SYNPO2: variants seen among roughly 807,000 people sequenced by gnomAD.
SYNPO2 encodes synaptopodin 2.
In SYNPO2, 56 loss-of-function variants were observed where a neutral mutation model predicts 85.0. The ratio of observed to expected loss-of-function variants is 0.66; its 90% CI spans 0.53 to 0.82. SYNPO2 has a LOEUF of 0.82. Among genes scored for constraint, SYNPO2 ranks in the 40% least tolerant of loss-of-function variants. The probability of loss-of-function intolerance (pLI) is 0.00; values close to 1 mark genes in which losing one functional copy is unlikely to be tolerated. For synonymous variants in SYNPO2, 602 were observed against 591.1 expected, an observed-to-expected ratio of 1.02 and a Z score of -0.27; for missense variants, 1,575 against 1,534.2, an observed-to-expected ratio of 1.03 and a Z score of -0.44.
chr4:118,951,175 T>C (rs928598626), intron 1 of SYNPO2, among the ~76,000 whole-genome samples: 5 of 152,204 alleles, frequency 3.3e-5, no homozygotes, highest in African/African-American at 1.2e-4. Context: ...TCTTAGTTTG[T>C]CTGTGCTGCT....
chr4:118,969,414 G>GCAC (rs1560924469), intron 1 of SYNPO2, among the ~76,000 whole-genome samples: 2 of 49,218 alleles, frequency 4.1e-5, no homozygotes, highest in Non-Finnish European at 1.0e-4. Context: ...TTGTAAAAAA[G>GCAC]TACGTTTCTC....
chr4:118,966,493 T>G (rs914540614), intron 1 of SYNPO2, among the ~76,000 whole-genome samples: 5 of 152,178 alleles, frequency 3.3e-5, no homozygotes, highest in Middle Eastern at 3.2e-3. Flanking sequence ...TTCTTCTATA[T>G]AATCTTGCCT....
At chr4:119,005,107 A>G (rs560033530) in intron 1 of SYNPO2, among the ~76,000 whole-genome samples, 1 of 151,940 alleles carries the variant, frequency 6.6e-6, no homozygotes, top group Non-Finnish European at 1.5e-5. Context: ...GTTTGAGTTC[A>G]TTGTAGATTC....
intron 1 of SYNPO2, among the ~76,000 whole-genome samples, chr4:118,957,748 A>G (rs1207999301): frequency 6.6e-6 from 1 of 152,162 alleles, no homozygotes; most frequent in African/African-American, 2.4e-5. Flanking sequence ...CATCTCCACT[A>G]ATACATGTTA....
At chr4:119,055,844 C>T (rs1739189765) in intron 4 of SYNPO2, among the ~76,000 whole-genome samples, 1 of 151,894 alleles carries the variant, frequency 6.6e-6, no homozygotes, top group African/African-American at 2.4e-5. Context: ...TATTGGACCC[C>T]TTATTCTTCA....
At chr4:118,898,487 A>G (rs756588536) in intron 1 of SYNPO2, among the ~76,000 whole-genome samples, 2 of 152,202 alleles carry the variant, frequency 1.3e-5, no homozygotes, top group African/African-American at 4.8e-5. Context: ...CATCACTGTC[A>G]TCGAGATAAC....
At chr4:118,858,219 T>C (rs1283167261) in intron 1 of SYNPO2, among the ~76,000 whole-genome samples, 1 of 152,008 alleles carries the variant, frequency 6.6e-6, no homozygotes, top group Non-Finnish European at 1.5e-5. Context: ...ACAGGGAAGA[T>C]AGGGTCTCTC....
chr4:119,004,207 A>C (rs890129347), intron 1 of SYNPO2, among the ~76,000 whole-genome samples: 1 of 151,754 alleles, frequency 6.6e-6, no homozygotes, highest in African/African-American at 2.4e-5. Context: ...CCATTTGTGG[A>C]AATTGTTCAA....
intron 1 of SYNPO2, among the ~76,000 whole-genome samples, chr4:118,883,191 C>A (rs553236187): frequency 5.9e-5 from 9 of 151,846 alleles, no homozygotes; most frequent in Non-Finnish European, 1.3e-4. Flanking sequence ...TTTTAAATTT[C>A]ACATAATTTT....
chr4:118,876,483 C>T (rs753277766), intron 1 of SYNPO2, among the ~76,000 whole-genome samples: 1 of 152,164 alleles, frequency 6.6e-6, no homozygotes, highest in Non-Finnish European at 1.5e-5. Context: ...TGTCTGGCTT[C>T]TCCAGTAAAA....
At chr4:119,054,134 G>A (rs1739136348) in intron 4 of SYNPO2, among the ~76,000 whole-genome samples, 1 of 152,260 alleles carries the variant, frequency 6.6e-6, no homozygotes, top group Non-Finnish European at 1.5e-5. Flanking sequence ...GTGAGTGAGT[G>A]TGGGATCTGG....
Position 118,985,974 on chromosome 4 carries a change from G to A in SYNPO2, c.106-37456G>A, listed in dbSNP as rs184003168. ...AACTCTTCAGCAATCTTAGCTTGAT[G>A]TTGTACCTCTCACTCTGTTAGGTTT... is the stretch of plus-strand genomic sequence containing the variant. On this transcript the variant is annotated intron_variant, in intron 1 of 4. Transcript: ENST00000307142. 4.3e-3 allele frequency among the ~76,000 whole-genome samples: 650 copies of A among 152,302 alleles called. 13 individuals carry two copies. The highest frequency in any genetic ancestry group is 1.6e-3 in the Non-Finnish European group (108 of 68,032).
chr4:118,890,725 CTCTCTCTCTG>C (rs1331934482), intron 1 of SYNPO2, among the ~76,000 whole-genome samples: 2 of 146,182 alleles, frequency 1.4e-5, no homozygotes, highest in Non-Finnish European at 3.0e-5. Flanking sequence ...CTCTCTCTCT[CTCTCTCTCTG>C]TGTGTGTGTG....
intron 1 of SYNPO2, among the ~76,000 whole-genome samples, chr4:118,971,469 A>C (rs1310390588): frequency 6.6e-6 from 1 of 152,244 alleles, no homozygotes; most frequent in Non-Finnish European, 1.5e-5. Context: ...ATGAAGATGC[A>C]CTGGACAATG....
chr4:118,921,471 C>A (rs1019901150), intron 1 of SYNPO2, among the ~76,000 whole-genome samples: 2 of 152,050 alleles, frequency 1.3e-5, no homozygotes, highest in Non-Finnish European at 2.9e-5. Flanking sequence ...TTGGAAGCTA[C>A]ACACAGTGGT....
chr4:118,851,835 A>G (rs942715091), intron 1 of SYNPO2, among the ~76,000 whole-genome samples: 7 of 151,952 alleles, frequency 4.6e-5, no homozygotes, highest in Admixed American at 1.3e-4. Context: ...GGAAGTATGG[A>G]AAAAAAATCC....
At chr4:118,867,456 TTA>T in intron 1 of SYNPO2, among the ~76,000 whole-genome samples, 1 of 120,134 alleles carries the variant, frequency 8.3e-6, no homozygotes, top group African/African-American at 2.5e-5. Context: ...GTGGTTCCTA[TTA>T]GTTTCTTTCT....
At chr4:119,009,870 C>T (rs1222332107) in intron 1 of SYNPO2, among the ~76,000 whole-genome samples, 3 of 152,176 alleles carry the variant, frequency 2.0e-5, no homozygotes, top group Non-Finnish European at 2.9e-5. Context: ...CTGGGGATCT[C>T]GTTAAAATGA....
At chr4:118,884,860 A>G (rs999268943), upstream of SYNPO2, among the ~76,000 whole-genome samples, 1 of 152,178 alleles carries the variant, frequency 6.6e-6, no homozygotes, top group Non-Finnish European at 1.5e-5. Flanking sequence ...CTAGTCTCAC[A>G]GGGTTAATAA....
Sources: allele counts gnomAD v4.1 joint callset (sites outside exome capture counted in the v4.1 genomes callset), GRCh38; gene constraint gnomAD v4.1.1; transcripts MANE v1.5; gene names NCBI Gene and HGNC (gene_info 2026-07-23, HGNC 2026-07-21).